The following TTC28 variants were observed in gnomAD, a reference collection of about 807,000 sequenced individuals.
TTC28 encodes tetratricopeptide repeat protein 28.
TTC28 carries 61 observed loss-of-function variants against 198.0 expected under a neutral mutation model. That is an observed-to-expected ratio of 0.31 (90% CI 0.25 to 0.38). TTC28 has a LOEUF of 0.38. Among genes scored for constraint, TTC28 ranks in the 10% least tolerant of loss-of-function variants. The pLI is 1.00. For missense variants in TTC28, 2,678 were observed against 3,164.0 expected, an observed-to-expected ratio of 0.85 and a Z score of 3.69; for synonymous variants, 1,171 against 1,297.8, an observed-to-expected ratio of 0.90 and a Z score of 2.10.
At chr22:28,225,425 T>C (rs1928256009) in intron 5 of TTC28, among the ~76,000 whole-genome samples, 2 of 150,248 alleles carry the variant, frequency 1.3e-5, no homozygotes, top group Admixed American at 1.3e-4. Flanking sequence ...AGAAAAACAA[T>C]GGTGCTTCAA....
chr22:28,080,675 T>C (rs1941316733), intron 12 of TTC28, among the ~76,000 whole-genome samples: 1 of 152,174 alleles, frequency 6.6e-6, no homozygotes, highest in Non-Finnish European at 1.5e-5. Context: ...TGCATAGAAG[T>C]TTTCAAGAAG....
intron 1 of TTC28, among the ~76,000 whole-genome samples, chr22:28,637,303 C>T (rs371351305): frequency 2.0e-5 from 3 of 152,178 alleles, no homozygotes; most frequent in Admixed American, 6.5e-5. Context: ...TGAGCCACCG[C>T]GCCCAGCCAC....
chr22:28,330,934 T>A (rs546003641), intron 2 of TTC28, among the ~76,000 whole-genome samples: 1 of 152,206 alleles, frequency 6.6e-6, no homozygotes, highest in Non-Finnish European at 1.5e-5. Context: ...TTTAGGTCAG[T>A]TATCTGGAAT....
At chr22:28,472,132 G>C (rs904874536) in intron 2 of TTC28, among the ~76,000 whole-genome samples, 6 of 152,122 alleles carry the variant, frequency 3.9e-5, no homozygotes, top group Non-Finnish European at 7.4e-5. Context: ...ACACAAAAGA[G>C]CATCTATTTG....
At chr22:28,578,257 T>C (rs1052682337) in intron 2 of TTC28, among the ~76,000 whole-genome samples, 4 of 152,178 alleles carry the variant, frequency 2.6e-5, no homozygotes, top group Admixed American at 6.5e-5. Context: ...TATTGAAAAC[T>C]CTACACTTCA....
intron 6 of TTC28, among the ~76,000 whole-genome samples, chr22:28,125,437 G>T (rs1942890334): frequency 6.6e-6 from 1 of 152,162 alleles, no homozygotes; most frequent in Non-Finnish European, 1.5e-5. Flanking sequence ...ACAACCTCAA[G>T]GCAGACCCAA....
At chr22:28,359,942 A>G (rs564177711) in intron 2 of TTC28, among the ~76,000 whole-genome samples, 1 of 152,250 alleles carries the variant, frequency 6.6e-6, no homozygotes, top group South Asian at 2.1e-4. Flanking sequence ...GAGATAATCT[A>G]CTTTAAACCT....
chr22:28,033,855 T>C (rs1243307950), intron 12 of TTC28, among the ~76,000 whole-genome samples: 1 of 152,190 alleles, frequency 6.6e-6, no homozygotes, highest in Non-Finnish European at 1.5e-5. Context: ...GACACTCAGC[T>C]GGGGCTGGGA....
intron 2 of TTC28, among the ~76,000 whole-genome samples, chr22:28,357,948 G>A (rs2046103659): frequency 6.6e-6 from 1 of 152,116 alleles, no homozygotes; most frequent in African/African-American, 2.4e-5. Context: ...CAGGTAAGGT[G>A]GCAAAGTACT....
At chr22:28,510,495 A>C (rs2048672638) in intron 2 of TTC28, among the ~76,000 whole-genome samples, 1 of 152,122 alleles carries the variant, frequency 6.6e-6, no homozygotes, top group Non-Finnish European at 1.5e-5. Flanking sequence ...CTCTCAATAA[A>C]CTAGGTATTA....
intron 2 of TTC28, among the ~76,000 whole-genome samples, chr22:28,396,474 A>T (rs939125589): frequency 2.0e-4 from 30 of 152,184 alleles, no homozygotes; most frequent in Non-Finnish European, 8.8e-5. Context: ...AGCAGCCCAG[A>T]TCATTTCCTC....
chr22:28,553,027 G>A (rs1339324926), intron 2 of TTC28, among the ~76,000 whole-genome samples: 1 of 152,142 alleles, frequency 6.6e-6, no homozygotes, highest in Admixed American at 6.5e-5. Flanking sequence ...AACCGCGAGT[G>A]ATCCGCCAGC....
Position 28,096,417 on chromosome 22 carries a change from C to G in TTC28, c.3548-9G>C. 4 of 1,550,610 alleles carry G rather than the reference C, an allele frequency of 2.6e-6. No homozygotes were observed. The highest frequency in any genetic ancestry group is 2.6e-6 in the Non-Finnish European group (3 of 1,146,928). On this transcript the variant is annotated splice_polypyrimidine_tract_variant and intron_variant, in intron 10 of 22. Transcript: ENST00000397906. ...GGCTTCATCATGATGGCCTAGGAGA[C>G]AAAGAGATATGCCGAGGAGTCCATA...
chr22:28,090,053 A>AT (rs1941765312), intron 12 of TTC28, among the ~76,000 whole-genome samples: 1 of 151,770 alleles, frequency 6.6e-6, no homozygotes, highest in South Asian at 2.1e-4. Context: ...AACATGGCAC[A>AT]TGTATACATA....
chr22:28,070,476 A>C (rs1185544596), intron 12 of TTC28, among the ~76,000 whole-genome samples: 1 of 152,194 alleles, frequency 6.6e-6, no homozygotes, highest in Non-Finnish European at 1.5e-5. Context: ...GTGGTATCCA[A>C]AACATCATTA....
At chr22:28,489,985 G>A (rs1171978013) in intron 2 of TTC28, among the ~76,000 whole-genome samples, 1 of 152,066 alleles carries the variant, frequency 6.6e-6, no homozygotes, top group Non-Finnish European at 1.5e-5. Context: ...CTTGGAGTCC[G>A]ATGTTCGAGG....
intron 5 of TTC28, among the ~76,000 whole-genome samples, chr22:28,225,608 T>A (rs917240007): frequency 6.6e-6 from 1 of 152,204 alleles, no homozygotes; most frequent in African/African-American, 2.4e-5. Context: ...GAAAATAGCA[T>A]GCAATTTATT....
chr22:28,244,182 A>G (rs1280382302), intron 5 of TTC28, among the ~76,000 whole-genome samples: 1 of 152,154 alleles, frequency 6.6e-6, no homozygotes, highest in Non-Finnish European at 1.5e-5. Flanking sequence ...GAGGACAGGC[A>G]GAGTTGGGCG....
chr22:28,211,852 T>G (rs187021326), intron 5 of TTC28, among the ~76,000 whole-genome samples: 1 of 152,270 alleles, frequency 6.6e-6, no homozygotes, highest in Non-Finnish European at 1.5e-5. Flanking sequence ...CATATCGCAC[T>G]TATTCCAAAA....
Sources: gnomAD v4.1 joint callset for allele counts (sites outside exome capture counted in the v4.1 genomes callset) on GRCh38, gnomAD v4.1.1 for gene constraint, MANE v1.5 for transcripts, NCBI Gene and HGNC (gene_info 2026-07-23, HGNC 2026-07-21) for gene names.